Variants in NUP205 observed in about 807,000 individuals in gnomAD.
The protein encoded by NUP205 is nucleoporin 205, also known as nuclear pore complex protein Nup205.
A neutral mutation model predicts 253.8 loss-of-function variants in NUP205; 76 were observed. That is an observed-to-expected ratio of 0.30 (90% CI 0.25 to 0.36). The LOEUF is 0.36. Ranked by LOEUF, NUP205 falls within the 10% of genes least tolerant of loss-of-function variation. NUP205 has a pLI of 1.00. For missense variants in NUP205, 2,162 were observed against 2,425.5 expected (o/e 0.89, Z 2.28); for synonymous variants, 832 against 850.1 (o/e 0.98, Z 0.37).
At chr7:135,608,287 G>A (rs1213859822) in intron 22 of NUP205, among the ~76,000 whole-genome samples, 5 of 152,114 alleles carry the variant, frequency 3.3e-5, no homozygotes, top group South Asian at 2.1e-4. Flanking sequence ...GTCTCCCAAA[G>A]TGCTGGGATT....
intron 22 of NUP205, among the ~76,000 whole-genome samples, chr7:135,611,018 G>A (rs1454867237): frequency 5.3e-5 from 6 of 113,836 alleles, no homozygotes; most frequent in Admixed American, 4.3e-4. Flanking sequence ...TTTTTTTTTT[G>A]GGTGGGGGAC....
At chr7:135,644,864 G>A (rs758144640) in intron 39 of NUP205, 31 bp from the exon 40 acceptor site, 6 of 1,606,136 alleles carry the variant, frequency 3.7e-6, no homozygotes, top group African/African-American at 1.3e-5. Flanking sequence ...TCCAGTTGAT[G>A]TCATTCTAAT....
intron 2 of NUP205, among the ~76,000 whole-genome samples, chr7:135,572,189 A>G (rs1321282202): frequency 2.0e-5 from 3 of 152,154 alleles, no homozygotes; most frequent in Non-Finnish European, 4.4e-5. Context: ...CTTAGGAGCA[A>G]TGTTATTCTC....
At chr7:135,626,512 TA>T in intron 33 of NUP205, 151 bp downstream of exon 33, 1 of 750,494 alleles carries the variant, frequency 1.3e-6, no homozygotes, top group South Asian at 2.1e-5. Context: ...CATTTACTAA[TA>T]AATGGAAGTT....
At position 135,576,998 on chromosome 7, in the gene NUP205, T is replaced by G; in HGVS notation, c.518T>G (p.Phe173Cys). 6.2e-7 allele frequency: 1 copy of G among 1,614,080 alleles called. No individual in the cohort carries two copies. Among genetic ancestry groups the G allele is most frequent in the Non-Finnish European group, 8.5e-7 (1 of 1,179,984 alleles). The change falls in exon 5 of 43, where the codon TTT (phenylalanine) becomes TGT (cysteine). Residue 173 changes from phenylalanine (F) to cysteine (C), a missense_variant. Phe to Cys is a radical substitution (Grantham distance 205). Transcript: ENST00000285968. ...SPELASMTTRFTDELMEQGLT... is the reference protein window; with the variant it reads ...SPELASMTTRCTDELMEQGLT... Reference sequence around the variant, plus strand: ...GAGCTGGCTTCCATGACAACACGCTTTACAGATGAGCTGATGGAGCAAGGA... The same window carrying G: ...GAGCTGGCTTCCATGACAACACGCTGTACAGATGAGCTGATGGAGCAAGGA...
At chr7:135,610,284 G>C (rs529651962) in intron 22 of NUP205, among the ~76,000 whole-genome samples, 1 of 152,218 alleles carries the variant, frequency 6.6e-6, no homozygotes, top group African/African-American at 2.4e-5. Flanking sequence ...GCAGTGGCAC[G>C]ATCTCAGCTC....
intron 1 of NUP205, among the ~76,000 whole-genome samples, chr7:135,570,053 A>AGG (rs1491268641): frequency 9.5e-5 from 5 of 52,628 alleles, no homozygotes; most frequent in Non-Finnish European, 2.3e-4. Context: ...ATATATATAT[A>AGG]GAGAGAGAGA....
At chr7:135,590,498 A>G (rs1182887073) in intron 10 of NUP205, among the ~76,000 whole-genome samples, 5 of 151,830 alleles carry the variant, frequency 3.3e-5, no homozygotes, top group Non-Finnish European at 7.4e-5. Flanking sequence ...TTAAGTAAGT[A>G]TATCTCTCTT....
chr7:135,572,251 A>G (rs1806016787), intron 2 of NUP205, among the ~76,000 whole-genome samples: 1 of 152,234 alleles, frequency 6.6e-6, no homozygotes, highest in Non-Finnish European at 1.5e-5. Flanking sequence ...ACTTAATAAT[A>G]TTTGAAGACT....
At chr7:135,622,422 A>G (rs79275165) in intron 30 of NUP205, among the ~76,000 whole-genome samples, 1 of 146,232 alleles carries the variant, frequency 6.8e-6, no homozygotes, top group Non-Finnish European at 1.5e-5. Flanking sequence ...GCTCTGTCTC[A>G]AAAAAAAAAA....
At position 135,598,037 on chromosome 7, in the gene NUP205, C is replaced by A; in HGVS notation, c.2104C>A (p.Pro702Thr). The stretch of plus-strand genomic sequence containing the variant: ...AATAGAATCCCGGTGTGAAGAATAC[C>A]CATTGACTCGGGCCTTTTGCCAGCT... ...NEIESRCEEY[P>T]LTRAFCQLIS... Residue 702 changes from proline to threonine, a missense_variant, in exon 15 of 43, where the codon CCA (proline) becomes ACA (threonine). Physicochemically the swap from Pro to Thr is conservative, Grantham distance 38. Coordinates refer to ENST00000285968, the MANE Select transcript of NUP205 (RefSeq NM_015135.3). The A allele has an allele frequency of 1.2e-6, 2 of 1,613,860 alleles. No homozygotes were observed. The highest frequency in any genetic ancestry group is 1.7e-6 in the Non-Finnish European group (2 of 1,179,922).
At chr7:135,573,847 AC>A in intron 3 of NUP205, 22 bp downstream of exon 3, 2 of 1,584,466 alleles carry the variant, frequency 1.3e-6, no homozygotes, top group Non-Finnish European at 1.7e-6. Flanking sequence ...TTTAACTGAA[AC>A]AGTGGTAAAA....
chr7:135,602,012 TAAAG>T (rs1454950946), intron 17 of NUP205, among the ~76,000 whole-genome samples: 5 of 152,160 alleles, frequency 3.3e-5, no homozygotes, highest in Non-Finnish European at 5.9e-5. Flanking sequence ...ATTTAACAAA[TAAAG>T]AAGCTGAAAT....
chr7:135,578,706 A>C (rs1369386651), intron 6 of NUP205, 45 bp from the exon 7 acceptor site: 1 of 1,414,482 alleles, frequency 7.1e-7, no homozygotes, highest in Admixed American at 2.2e-5. Flanking sequence ...CAGAAGTGAG[A>C]ATTTATCTGG....
intron 1 of NUP205, among the ~76,000 whole-genome samples, chr7:135,562,442 C>T (rs1805611403): frequency 1.3e-5 from 2 of 152,018 alleles, no homozygotes; most frequent in Admixed American, 6.6e-5. Flanking sequence ...AAACGATTCA[C>T]CTGCCTCGGC....
chr7:135,597,901 T>C, intron 14 of NUP205, 97 bp from the exon 15 acceptor site: 1 of 891,178 alleles, frequency 1.1e-6, no homozygotes, highest in Non-Finnish European at 1.8e-6. Flanking sequence ...TCTTTTGGTG[T>C]GAGTTAGCAC....
chr7:135,591,894 A>G (rs866360459), intron 11 of NUP205, among the ~76,000 whole-genome samples: 1 of 152,174 alleles, frequency 6.6e-6, no homozygotes, highest in South Asian at 2.1e-4. Flanking sequence ...CAAAAAAAGC[A>G]TATGCCCTTG....
intron 11 of NUP205, 39 bp downstream of exon 11, chr7:135,591,639 ACT>A: frequency 6.3e-7 from 1 of 1,586,124 alleles, no homozygotes; most frequent in Non-Finnish European, 8.6e-7. Flanking sequence ...TTGTTGTTAT[ACT>A]CTTTTAAGTT....
chr7:135,570,081 A>AGAGAGAGAGG (rs1554456259), intron 1 of NUP205, among the ~76,000 whole-genome samples: 4 of 149,708 alleles, frequency 2.7e-5, no homozygotes, highest in Non-Finnish European at 4.5e-5. Context: ...AGAGAGAGAG[A>AGAGAGAGAGG]GAGAGAGAGA....
Sources: allele counts gnomAD v4.1 joint callset (sites outside exome capture counted in the v4.1 genomes callset), GRCh38; gene constraint gnomAD v4.1.1; transcripts MANE v1.5; gene names NCBI Gene and HGNC (gene_info 2026-07-23, HGNC 2026-07-21).